SLC28A2: variants seen among roughly 807,000 people sequenced by gnomAD.
SLC28A2 encodes sodium/nucleoside cotransporter 2.
Under a neutral mutation model 72.9 loss-of-function variants are expected in SLC28A2, and 69 were observed. The ratio of observed to expected loss-of-function variants is 0.95; its 90% CI spans 0.78 to 1.16. The LOEUF is 1.16. Among genes scored for constraint, SLC28A2 ranks in the 50% most tolerant of loss-of-function variants. The pLI is 0.00. For synonymous variants in SLC28A2, 296 were observed against 294.1 expected (o/e 1.01, Z -0.07); for missense variants, 745 against 791.1 (o/e 0.94, Z 0.70).
intron 10 of SLC28A2, 76 bp downstream of exon 10, chr15:45,266,237 C>T (rs1900333173): frequency 9.3e-7 from 1 of 1,074,976 alleles, no homozygotes; most frequent in Middle Eastern, 2.0e-4. Context: ...AGTATGCTTT[C>T]CTTCTGAAAA....
intron 14 of SLC28A2, 40 bp downstream of exon 14, chr15:45,269,575 C>T: frequency 6.4e-7 from 1 of 1,551,244 alleles, no homozygotes; most frequent in South Asian, 1.1e-5. Flanking sequence ...CGTGAGGTCT[C>T]AGCCATGGTT....
Position 45,269,348 on chromosome 15 carries a change from C to G in SLC28A2, c.1379C>G (p.Ser460Cys). Reference sequence around the variant, plus strand: ...CTCTCTTTCACTCAGGTCATCTGCTCCTATCTCCTAAGGCCCATGGTTTTC... The same window carrying G: ...CTCTCTTTCACTCAGGTCATCTGCTGCTATCTCCTAAGGCCCATGGTTTTC... ...IQGLTFQVIC[S>C]YLLRPMVFMM... Residue 460 changes from serine (S) to cysteine (C), a missense_variant, in exon 14 of 18, where the codon TCC becomes TGC. Coordinates refer to ENST00000347644, the MANE Select transcript of SLC28A2 (RefSeq NM_004212.4). 1 of 1,613,754 alleles carries G rather than the reference C, an allele frequency of 6.2e-7. No homozygotes were observed. Among genetic ancestry groups the G allele is most frequent in the South Asian group, 1.1e-5 (1 of 91,046 alleles).
rs948812068 is a variant in SLC28A2 at position 45,263,108 on chromosome 15, G to C, written c.310G>C (p.Ala104Pro). The change falls in exon 5 of 18, where the codon GCA (alanine) becomes CCA (proline). Residue 104 changes from alanine to proline, a missense_variant. Coordinates refer to ENST00000347644, the MANE Select transcript of SLC28A2 (RefSeq NM_004212.4). ...AGCTTGCATCTTGAATTTCCAGAGGGCACTGGCCTTGTTTGTCATCACCTG... is the reference window on the plus strand; with the variant it reads ...AGCTTGCATCTTGAATTTCCAGAGGCCACTGGCCTTGTTTGTCATCACCTG... ...LAACILNFQRALALFVITCLV... is the reference protein window; with the variant it reads ...LAACILNFQRPLALFVITCLV... 6.2e-7 allele frequency: 1 copy of C among 1,613,836 alleles called. No individual in the cohort carries two copies. Among genetic ancestry groups the C allele is most frequent in the African/African-American group, 1.3e-5 (1 of 74,914 alleles).
chr15:45,263,397 G>C (rs1174375030), intron 5 of SLC28A2, among the ~76,000 whole-genome samples, 153 bp downstream of exon 5: 1 of 152,158 alleles, frequency 6.6e-6, no homozygotes, highest in Non-Finnish European at 1.5e-5. Context: ...TCTGAGCACA[G>C]GACCTCAGTC....
rs758642401 is a variant in SLC28A2 at position 45,265,076 on chromosome 15, T to C, written c.703-13T>C. The C allele has an allele frequency of 1.9e-6, 3 of 1,600,496 alleles. No homozygotes were observed. The highest frequency in any genetic ancestry group is 2.6e-6 in the Non-Finnish European group (3 of 1,167,944). On this transcript the variant is annotated splice_polypyrimidine_tract_variant and intron_variant, in intron 7 of 17. Transcript: ENST00000347644. ...CATTCTTATTCTCTGTCTTTTTCTT[T>C]TTTTCCCTTCAGATTTTCCTGAACT...
intron 3 of SLC28A2, chr15:45,255,101 A>T (rs1567055713): frequency 6.6e-6 from 1 of 152,062 alleles, no homozygotes; most frequent in African/African-American, 2.4e-5. Context: ...AAAAATTTTT[A>T]AAAATTAGCA....
At chr15:45,267,297 C>T (rs890858812) in intron 10 of SLC28A2, among the ~76,000 whole-genome samples, 158 bp from the exon 11 acceptor site, 8 of 152,172 alleles carry the variant, frequency 5.3e-5, no homozygotes, top group Non-Finnish European at 7.3e-5. Context: ...GCCTGACAGC[C>T]GGGCTCCGTG....
intron 15 of SLC28A2, chr15:45,271,976 C>G: frequency 3.8e-6 from 1 of 261,798 alleles, no homozygotes. Context: ...GCAGTGAACG[C>G]CAGGCATTTG....
At chr15:45,261,356 A>G (rs1900155830) in intron 3 of SLC28A2, among the ~76,000 whole-genome samples, 1 of 152,038 alleles carries the variant, frequency 6.6e-6, no homozygotes, top group South Asian at 2.1e-4. Flanking sequence ...TCTGTTTTTC[A>G]GTTTCCATAC....
chr15:45,271,994 C>G (rs937263695), intron 15 of SLC28A2: 3 of 301,808 alleles, frequency 9.9e-6, no homozygotes, highest in African/African-American at 6.5e-5. Flanking sequence ...TTGTACCTGT[C>G]TGGAGAAACC....
intron 3 of SLC28A2, among the ~76,000 whole-genome samples, chr15:45,256,286 C>T (rs1899975827): frequency 6.6e-6 from 1 of 152,202 alleles, no homozygotes; most frequent in Admixed American, 6.5e-5. Flanking sequence ...CCTCATGTCT[C>T]AGCCTCCCAA....
chr15:45,262,749 C>A (rs568412967), intron 4 of SLC28A2, among the ~76,000 whole-genome samples: 32 of 152,178 alleles, frequency 2.1e-4, no homozygotes, highest in Non-Finnish European at 2.1e-4. Flanking sequence ...ATGGTGAACA[C>A]TGATCAAATC....
At chr15:45,259,008 T>C (rs564849702) in intron 3 of SLC28A2, among the ~76,000 whole-genome samples, 1 of 152,356 alleles carries the variant, frequency 6.6e-6, no homozygotes, top group Non-Finnish European at 1.5e-5. Context: ...TGTAGTATTA[T>C]CACATTGTAG....
chr15:45,271,726 T>G (rs1900579125), intron 15 of SLC28A2: 1 of 152,180 alleles, frequency 6.6e-6, no homozygotes, highest in African/African-American at 2.4e-5. Flanking sequence ...TGGTAGCCAA[T>G]TTAATTGAAA....
At chr15:45,272,141 G>T (rs1900592114) in intron 15 of SLC28A2, 154 bp from the exon 16 acceptor site, 2 of 616,258 alleles carry the variant, frequency 3.2e-6, no homozygotes, top group African/African-American at 3.7e-5. Flanking sequence ...ACACTTCTTA[G>T]GGCAACACTG....
intron 13 of SLC28A2, 109 bp downstream of exon 13, chr15:45,268,487 GA>G (rs1344161317): frequency 1.1e-6 from 1 of 904,164 alleles, no homozygotes; most frequent in African/African-American, 1.7e-5. Flanking sequence ...ACACCAGTTA[GA>G]ATGGCAATCA....
chr15:45,258,847 C>T (rs11632777), intron 3 of SLC28A2, among the ~76,000 whole-genome samples: 71,773 of 151,838 alleles, frequency 0.47, 20,622 homozygotes, highest in Non-Finnish European at 0.66. Context: ...CACCTTTCTA[C>T]TGGGTATATA....
intron 8 of SLC28A2, among the ~76,000 whole-genome samples, 177 bp from the exon 9 acceptor site, chr15:45,265,406 G>GTACT (rs1900300649): frequency 6.6e-6 from 1 of 152,220 alleles, no homozygotes; most frequent in Non-Finnish European, 1.5e-5. Context: ...TTGTGGTTTA[G>GTACT]TACTGGTGGG....
chr15:45,263,829 T>C (rs1272939085), intron 5 of SLC28A2, 52 bp from the exon 6 acceptor site: 6 of 1,556,154 alleles, frequency 3.9e-6, no homozygotes, highest in Non-Finnish European at 5.2e-6. Flanking sequence ...CTGTAAGTTA[T>C]TTGTTTTTCA....
Sources: allele counts gnomAD v4.1 joint callset (sites outside exome capture counted in the v4.1 genomes callset), GRCh38; gene constraint gnomAD v4.1.1; transcripts MANE v1.5; gene names NCBI Gene and HGNC (gene_info 2026-07-23, HGNC 2026-07-21).